RASA3: variants seen among roughly 807,000 people sequenced by gnomAD.
RASA3 encodes the protein ras GTPase-activating protein 3.
Under a neutral mutation model 110.0 loss-of-function variants are expected in RASA3, and 73 were observed. That is an observed-to-expected ratio of 0.66 (90% CI 0.55 to 0.81). The LOEUF is 0.81. Among genes scored for constraint, RASA3 ranks in the 30% least tolerant of loss-of-function variants. The pLI, the probability that RASA3 is intolerant of heterozygous loss-of-function variation, is 0.00. For synonymous variants in RASA3, 500 were observed against 451.4 expected (o/e 1.11, Z -1.37); for missense variants, 976 against 1,113.2 (o/e 0.88, Z 1.75).
intron 1 of RASA3, among the ~76,000 whole-genome samples, chr13:114,116,222 C>G (rs2080273310): frequency 6.6e-6 from 1 of 152,226 alleles, no homozygotes; most frequent in Non-Finnish European, 1.5e-5. Flanking sequence ...ACAGACACCC[C>G]TCCCCTCGGG....
chr13:114,101,658 A>AATACAC (rs376482717), intron 1 of RASA3, among the ~76,000 whole-genome samples: 12 of 152,358 alleles, frequency 7.9e-5, no homozygotes, highest in African/African-American at 2.6e-4. Flanking sequence ...CCAGCAGTGA[A>AATACAC]ATACACGAAA....
At chr13:114,041,704 C>T (rs9525347) in intron 3 of RASA3, among the ~76,000 whole-genome samples, 15,237 of 152,324 alleles carry the variant, frequency 0.1, 967 homozygotes, top group Middle Eastern at 0.18. Flanking sequence ...TGGACACGCA[C>T]GTGTGTGCAT....
intron 2 of RASA3, among the ~76,000 whole-genome samples, chr13:114,052,585 C>T (rs1205093395): frequency 6.6e-6 from 1 of 152,188 alleles, no homozygotes; most frequent in Admixed American, 6.5e-5. Flanking sequence ...CTCCTTTTAT[C>T]CAGAGATCCA....
In RASA3 at chr13:113,978,193, A is replaced by G. The variant is rs1287529029; in HGVS notation, c.*1154T>C. 1.3e-5 allele frequency: 2 copies of G among 152,188 alleles called. No individual in the cohort carries two copies. Among genetic ancestry groups the G allele is most frequent in the Non-Finnish European group, 2.9e-5 (2 of 68,076 alleles). The allele number at this position is 152,188 out of a possible 1,614,324, so 9.4% of individuals were successfully genotyped here. A position where few individuals can be genotyped will look rare whatever the true frequency, so the allele number is the denominator to read the frequency against. On this transcript the variant is annotated 3_prime_UTR_variant, in exon 24 of 24. Transcript: ENST00000334062. ...TTTTTAGGATGCTCCCCTCCCCAAT[A>G]AAACAGCAGCCCCCGCCCCTGCCCT... is the stretch of plus-strand genomic sequence containing the variant.
chr13:114,042,603 C>T (rs533858702), intron 3 of RASA3, among the ~76,000 whole-genome samples: 1 of 152,374 alleles, frequency 6.6e-6, no homozygotes, highest in Non-Finnish European at 1.5e-5. Context: ...ATGACCTGGG[C>T]TCCCGGGAGC....
intron 4 of RASA3, among the ~76,000 whole-genome samples, chr13:114,037,320 C>T (rs1338835842): frequency 4.6e-5 from 7 of 152,184 alleles, no homozygotes; most frequent in East Asian, 3.9e-4. Flanking sequence ...CTTCGCACCT[C>T]GGACCATTCC....
At chr13:114,108,608 T>G (rs908787060) in intron 1 of RASA3, 2 of 152,134 alleles carry the variant, frequency 1.3e-5, no homozygotes, top group Admixed American at 6.6e-5. Flanking sequence ...CAGGTGCTGT[T>G]TTCTTGGTGC....
intron 1 of RASA3, among the ~76,000 whole-genome samples, chr13:114,111,926 C>T (rs535480502): frequency 6.6e-6 from 1 of 152,278 alleles, no homozygotes; most frequent in African/African-American, 2.4e-5. Flanking sequence ...CTTAAAATAG[C>T]TTCTGTTTAT....
At chr13:113,996,761 G>C in intron 20 of RASA3, 22 bp from the exon 21 acceptor site, 1 of 1,606,700 alleles carries the variant, frequency 6.2e-7, no homozygotes, top group Non-Finnish European at 8.5e-7. Flanking sequence ...GGTGGGCTCA[G>C]GACAGCGCAC....
intron 1 of RASA3, among the ~76,000 whole-genome samples, chr13:114,095,607 C>T (rs2079931635): frequency 6.6e-6 from 1 of 152,138 alleles, no homozygotes; most frequent in South Asian, 2.1e-4. Flanking sequence ...TTGTTTATGT[C>T]ATGCACACAC....
chr13:114,050,228 C>G (rs1594387909), intron 3 of RASA3, among the ~76,000 whole-genome samples: 1 of 152,168 alleles, frequency 6.6e-6, no homozygotes, highest in Non-Finnish European at 1.5e-5. Flanking sequence ...ACCCTCAAGA[C>G]CATCTCACCG....
At chr13:114,013,365 C>T in intron 14 of RASA3, 117 bp from the exon 15 acceptor site, 1 of 515,306 alleles carries the variant, frequency 1.9e-6, no homozygotes. Flanking sequence ...CTGGCTCTAT[C>T]TCCACCTGTG....
At position 114,011,020 on chromosome 13, in the gene RASA3, C is replaced by T; in HGVS notation, c.1590+151G>A. Reference sequence around the variant, plus strand: ...TGAGCGGGACGGGGACGCTCAGGTCCTGGGTTTCAAGAGAGGATGTGGTGC... The same window carrying T: ...TGAGCGGGACGGGGACGCTCAGGTCTTGGGTTTCAAGAGAGGATGTGGTGC... On this transcript the variant is annotated intron_variant, in intron 16 of 23. Transcript: ENST00000334062. This position sits in a 1 kb window ranked among gnomAD's most constrained non-coding sequence, Gnocchi z 4.8. The T allele has an allele frequency of 1.3e-6, 1 of 758,374 alleles. No individual in the cohort carries two copies. The highest frequency in any genetic ancestry group is 2.2e-6 in the Non-Finnish European group (1 of 454,116). 47.0% of individuals were successfully genotyped at this position (758,374 alleles called of 1,614,324 possible). A position where few individuals can be genotyped will look rare whatever the true frequency, so the allele number is the denominator to read the frequency against.
chr13:114,116,790 C>CGTGTGTGAGGGGTGCAT (rs2080281691), intron 1 of RASA3, among the ~76,000 whole-genome samples: 2 of 120,314 alleles, frequency 1.7e-5, no homozygotes, highest in Admixed American at 9.6e-5. Flanking sequence ...GAAGGGTGCA[C>CGTGTGTGAGGGGTGCAT]GTGTGTGAGG....
intron 14 of RASA3, among the ~76,000 whole-genome samples, chr13:114,013,544 C>T (rs1396571679): frequency 7.0e-6 from 1 of 142,984 alleles, no homozygotes; most frequent in African/African-American, 2.7e-5. Flanking sequence ...CTCTCTCCCT[C>T]TCTTTGTCCC....
chr13:114,030,162 G>T (rs940848026), intron 4 of RASA3, among the ~76,000 whole-genome samples: 7 of 152,242 alleles, frequency 4.6e-5, no homozygotes, highest in Non-Finnish European at 8.8e-5. Flanking sequence ...CAGAAGTGAG[G>T]GGTCCAACCG....
chr13:114,121,654 C>T (rs1268564981), intron 1 of RASA3, among the ~76,000 whole-genome samples: 1 of 152,210 alleles, frequency 6.6e-6, no homozygotes, highest in Non-Finnish European at 1.5e-5. Flanking sequence ...CGACCTTTGA[C>T]CTTCGGCTTC....
At chr13:113,996,009 G>A (rs2053244434) in intron 21 of RASA3, among the ~76,000 whole-genome samples, 1 of 120,422 alleles carries the variant, frequency 8.3e-6, no homozygotes, top group Admixed American at 8.1e-5. Context: ...GGGGAGGCCC[G>A]GCTGATGGGG....
In RASA3 at chr13:114,007,570, GGTCTC is replaced by G; in HGVS notation, c.1700_1704del (p.Arg567ThrfsTer5). ...ACGATGGGCTGCTCAACACTCTTGG[GGTCTC>G]TTCTCCCCGAGGACGAAATCAGATC... is the stretch of plus-strand genomic sequence containing the variant. On this transcript the variant is annotated frameshift_variant, in exon 18 of 24. Coordinates refer to ENST00000334062, the MANE Select transcript of RASA3 (RefSeq NM_007368.4). LOFTEE classifies it high-confidence loss of function. The G allele has an allele frequency of 6.2e-7, 1 of 1,613,468 alleles. No homozygotes were observed. The highest frequency in any genetic ancestry group is 8.5e-7 in the Non-Finnish European group (1 of 1,179,864).
Sources: gnomAD v4.1 joint callset for allele counts (sites outside exome capture counted in the v4.1 genomes callset) on GRCh38, gnomAD v4.1.1 for gene constraint, Gnocchi (gnomAD v3.1) non-coding constraint, MANE v1.5 for transcripts, NCBI Gene and HGNC (gene_info 2026-07-23, HGNC 2026-07-21) for gene names.